Variants in CBFB observed in about 807,000 individuals in gnomAD.
The protein encoded by CBFB is core-binding factor subunit beta.
CBFB carries 9 observed loss-of-function variants against 30.4 expected under a neutral mutation model. The observed-to-expected ratio is 0.30, with a 90% CI of 0.18 to 0.52. CBFB has a LOEUF of 0.52. Among genes scored for constraint, CBFB ranks in the 20% least tolerant of loss-of-function variants. The pLI is 0.97. For synonymous variants in CBFB, 94 were observed against 84.0 expected (o/e 1.12, Z -0.65); for missense variants, 170 against 244.0 (o/e 0.70, Z 2.02).
intron 3 of CBFB, among the ~76,000 whole-genome samples, chr16:67,060,737 T>C (rs1206102745): frequency 6.6e-6 from 1 of 152,138 alleles, no homozygotes; most frequent in East Asian, 1.9e-4. Context: ...GTATTTTTAG[T>C]AGAGACGGGG....
At chr16:67,035,219 G>A (rs1966423804) in intron 2 of CBFB, among the ~76,000 whole-genome samples, 1 of 152,092 alleles carries the variant, frequency 6.6e-6, no homozygotes, top group African/African-American at 2.4e-5. Context: ...AAGTAGCTGG[G>A]ATTACAGGCG....
chr16:67,079,033 G>A (rs1259995463), intron 4 of CBFB, among the ~76,000 whole-genome samples: 1 of 152,162 alleles, frequency 6.6e-6, no homozygotes, highest in Admixed American at 6.6e-5. Flanking sequence ...GGGAAATTGG[G>A]AACAGCATTC....
intron 5 of CBFB, among the ~76,000 whole-genome samples, chr16:67,098,005 A>C (rs1962104740): frequency 1.3e-5 from 2 of 152,224 alleles, no homozygotes; most frequent in African/African-American, 4.8e-5. Flanking sequence ...ATACTCAATA[A>C]ATGTCAGCTA....
intron 2 of CBFB, among the ~76,000 whole-genome samples, chr16:67,033,868 C>T (rs1966399470): frequency 7.4e-6 from 1 of 135,988 alleles, no homozygotes; most frequent in Admixed American, 7.9e-5. Flanking sequence ...GTCGGCTAGG[C>T]TGGAGTGCAA....
At chr16:67,083,560 C>T (rs572467363) in intron 5 of CBFB, among the ~76,000 whole-genome samples, 1 of 152,224 alleles carries the variant, frequency 6.6e-6, no homozygotes, top group African/African-American at 2.4e-5. Flanking sequence ...TCCCAAAGTG[C>T]TTGGATTGAT....
rs374391354 is a variant in CBFB, at chr16:67,034,119, C to T, written c.166-2520C>T. Among the ~76,000 whole-genome samples the T allele has an allele frequency of 4.6e-5, 7 of 152,284 alleles. No homozygotes were observed. The East Asian group carries it at 1.2e-3, about 25-fold the overall frequency. On this transcript the variant is annotated intron_variant, in intron 2 of 5. Transcript: ENST00000412916. ...CTGGGATTACAGGCTTGAGCCACTGCACCCGGCCTATTCTTACCAATTCTT... is the reference window on the plus strand; with the variant it reads ...CTGGGATTACAGGCTTGAGCCACTGTACCCGGCCTATTCTTACCAATTCTT...
At chr16:67,053,844 CTT>C (rs111876987) in intron 3 of CBFB, among the ~76,000 whole-genome samples, 15 of 142,502 alleles carry the variant, frequency 1.1e-4, no homozygotes, top group African/African-American at 2.3e-4. Flanking sequence ...TTCTTTTATC[CTT>C]TTTTTTTTTT....
chr16:67,052,279 T>A (rs1220872955), intron 3 of CBFB, among the ~76,000 whole-genome samples: 6 of 152,200 alleles, frequency 3.9e-5, no homozygotes, highest in Non-Finnish European at 8.8e-5. Flanking sequence ...TTTTAAAAAA[T>A]ACCTACTAGG....
chr16:67,031,326 A>G (rs1966342301), intron 2 of CBFB, among the ~76,000 whole-genome samples: 1 of 152,138 alleles, frequency 6.6e-6, no homozygotes, highest in Non-Finnish European at 1.5e-5. Context: ...AGTGCATAAG[A>G]CATACTTTTA....
chr16:67,096,780 C>G (rs567270676), intron 5 of CBFB, among the ~76,000 whole-genome samples: 1 of 151,212 alleles, frequency 6.6e-6, no homozygotes, highest in African/African-American at 2.4e-5. Flanking sequence ...TGAGACCATC[C>G]TGGCTAACAC....
At chr16:67,038,354 G>A (rs1330534004) in intron 3 of CBFB, among the ~76,000 whole-genome samples, 1 of 151,338 alleles carries the variant, frequency 6.6e-6, no homozygotes, top group Non-Finnish European at 1.5e-5. Context: ...ATATATGTGT[G>A]TGTATATACG....
At chr16:67,039,474 T>G (rs1297577371) in intron 3 of CBFB, among the ~76,000 whole-genome samples, 1 of 152,162 alleles carries the variant, frequency 6.6e-6, no homozygotes, top group Admixed American at 6.5e-5. Context: ...ACTAAATCTA[T>G]AAAAATTAAG....
At chr16:67,097,104 G>A (rs1355939311) in intron 5 of CBFB, among the ~76,000 whole-genome samples, 2 of 151,992 alleles carry the variant, frequency 1.3e-5, no homozygotes. Context: ...GTGTGGTGGC[G>A]TGTGCCTGTG....
intron 5 of CBFB, among the ~76,000 whole-genome samples, chr16:67,091,987 C>T (rs1201060951): frequency 6.6e-6 from 1 of 152,134 alleles, no homozygotes; most frequent in Non-Finnish European, 1.5e-5. Flanking sequence ...GATTCTCCTG[C>T]CTCAGCCTCC....
intron 2 of CBFB, 71 bp downstream of exon 2, chr16:67,029,884 G>C (rs1966304197): frequency 6.8e-6 from 7 of 1,036,342 alleles, no homozygotes; most frequent in African/African-American, 1.7e-5. Flanking sequence ...GGCCGGTTCC[G>C]GACGGCGGCG....
intron 2 of CBFB, 115 bp downstream of exon 2, chr16:67,029,928 C>T (rs1021280049): frequency 1.5e-5 from 9 of 581,924 alleles, no homozygotes; most frequent in Non-Finnish European, 2.5e-5. Context: ...GAGTGGGCGC[C>T]GTCTCACTTC....
chr16:67,041,374 G>A (rs1966527330), intron 3 of CBFB, among the ~76,000 whole-genome samples: 1 of 152,188 alleles, frequency 6.6e-6, no homozygotes, highest in South Asian at 2.1e-4. Flanking sequence ...GACCAGGGTG[G>A]TAGCAGTAGA....
At chr16:67,036,504 C>A in intron 2 of CBFB, 135 bp from the exon 3 acceptor site, 1 of 585,060 alleles carries the variant, frequency 1.7e-6, no homozygotes, top group South Asian at 2.4e-5. Flanking sequence ...ATGATGAGTG[C>A]ATGTTTTTTT....
chr16:67,044,582 A>G (rs1056523000), intron 3 of CBFB, among the ~76,000 whole-genome samples: 2 of 152,190 alleles, frequency 1.3e-5, no homozygotes, highest in Non-Finnish European at 2.9e-5. Context: ...TTATGAGCAT[A>G]AAATAAAGCA....
Sources: gnomAD v4.1 joint callset for allele counts (sites outside exome capture counted in the v4.1 genomes callset) on GRCh38, gnomAD v4.1.1 for gene constraint, MANE v1.5 for transcripts, NCBI Gene and HGNC (gene_info 2026-07-23, HGNC 2026-07-21) for gene names.